ZC3H3: variants seen among roughly 807,000 people sequenced by gnomAD.
ZC3H3 encodes zinc finger CCCH domain-containing protein 3.
Under a neutral mutation model 77.3 loss-of-function variants are expected in ZC3H3, and 36 were observed. The observed-to-expected ratio is 0.47, with a 90% CI of 0.36 to 0.61. The LOEUF is 0.61. Among genes scored for constraint, ZC3H3 ranks in the 20% least tolerant of loss-of-function variants. ZC3H3 has a pLI of 0.00. For missense variants in ZC3H3, 1,331 were observed against 1,312.2 expected, an observed-to-expected ratio of 1.01 and a Z score of -0.22; for synonymous variants, 626 against 555.2, an observed-to-expected ratio of 1.13 and a Z score of -1.79.
intron 3 of ZC3H3, among the ~76,000 whole-genome samples, chr8:143,520,789 G>C (rs1166078122): frequency 2.6e-5 from 4 of 152,156 alleles, no homozygotes; most frequent in Admixed American, 2.6e-4. Flanking sequence ...TCTGCCCCAT[G>C]GGACAGAACA....
rs1207830426 is a variant in ZC3H3 at position 143,536,383 on chromosome 8, T to TCCG, written c.1432_1434dup (p.Arg479dup). 2 of 1,585,450 alleles carry TCCG rather than the reference T, an allele frequency of 1.3e-6. No individual in the cohort carries two copies. The highest frequency in any genetic ancestry group is 8.6e-7 in the Non-Finnish European group (1 of 1,164,998). On this transcript the variant is annotated inframe_insertion, in exon 3 of 12. Coordinates refer to ENST00000262577, the MANE Select transcript of ZC3H3 (RefSeq NM_015117.3). ...CTGCTCTTCCCCCTGAGGGCCTGTC[T>TCCG]CCGCCGGAGGCTGAGGTGGCTCTTG... is the stretch of plus-strand genomic sequence containing the variant.
intron 1 of ZC3H3, among the ~76,000 whole-genome samples, chr8:143,540,495 G>A (rs1317348703): frequency 6.6e-6 from 1 of 152,210 alleles, no homozygotes; most frequent in Non-Finnish European, 1.5e-5. Context: ...CTCCCAAAGT[G>A]CTGGGATTAC....
intron 4 of ZC3H3, among the ~76,000 whole-genome samples, chr8:143,484,129 G>A (rs888781388): frequency 2.0e-5 from 3 of 152,212 alleles, no homozygotes; most frequent in Admixed American, 6.5e-5. Context: ...CCTTGAGTGC[G>A]ACTGGTCCAG....
intron 4 of ZC3H3, among the ~76,000 whole-genome samples, chr8:143,501,906 C>T (rs534674336): frequency 9.8e-5 from 15 of 152,366 alleles, no homozygotes; most frequent in Non-Finnish European, 1.5e-4. Context: ...TTGTGTCCCT[C>T]GAAACCCGAT....
chr8:143,452,422 C>T (rs28668626), intron 9 of ZC3H3, among the ~76,000 whole-genome samples: 55,494 of 152,042 alleles, frequency 0.36, 10,477 homozygotes, highest in Middle Eastern at 0.43. Context: ...CCCCTCCACC[C>T]AACAGCCAGC....
At chr8:143,488,482 C>T (rs1477706739) in intron 4 of ZC3H3, among the ~76,000 whole-genome samples, 1 of 149,698 alleles carries the variant, frequency 6.7e-6, no homozygotes, top group Non-Finnish European at 1.5e-5. Flanking sequence ...AGCTCAGACA[C>T]AGAACAGCAC....
chr8:143,492,312 T>TG (rs1419134556), intron 4 of ZC3H3, among the ~76,000 whole-genome samples: 3 of 151,716 alleles, frequency 2.0e-5, no homozygotes, highest in East Asian at 2.0e-4. Flanking sequence ...ACTGGCCCAG[T>TG]GGGGGGGATC....
chr8:143,516,784 C>A (rs896939), intron 3 of ZC3H3, among the ~76,000 whole-genome samples: 2 of 152,184 alleles, frequency 1.3e-5, no homozygotes, highest in Non-Finnish European at 2.9e-5. Context: ...CCTGGCCTCG[C>A]GTCCCTGGGA....
At position 143,462,128 on chromosome 8, in the gene ZC3H3, C is replaced by T. The variant is rs780247283; in HGVS notation, c.2307+3589G>A. On this transcript the variant is annotated intron_variant, in intron 9 of 11. Transcript: ENST00000262577. This position sits in a 1 kb window ranked among gnomAD's most constrained non-coding sequence, Gnocchi z 4.7. ...AAACGGCAGCCGACTTGTAGGGAGGCCTCCCTGTGCCAGGGCCACCCAGGA... is the reference window on the plus strand; with the variant it reads ...AAACGGCAGCCGACTTGTAGGGAGGTCTCCCTGTGCCAGGGCCACCCAGGA... 3.3e-5 allele frequency among the ~76,000 whole-genome samples: 5 copies of T among 152,176 alleles called. No individual in the cohort carries two copies. Among genetic ancestry groups the T allele is most frequent in the Non-Finnish European group, 5.9e-5 (4 of 68,020 alleles).
intron 4 of ZC3H3, among the ~76,000 whole-genome samples, chr8:143,492,007 G>A (rs184407210): frequency 1.2e-4 from 19 of 152,318 alleles, no homozygotes; most frequent in African/African-American, 4.3e-4. Flanking sequence ...AGCGTGGCTC[G>A]TATCCCTGGG....
intron 9 of ZC3H3, among the ~76,000 whole-genome samples, chr8:143,442,518 G>A (rs1375716202): frequency 2.0e-5 from 3 of 151,956 alleles, no homozygotes; most frequent in African/African-American, 4.8e-5. Flanking sequence ...GTACTGGGAC[G>A]GGCGTGGGGG....
rs1820280638 is a variant in ZC3H3, at chr8:143,462,081, CAACACGCAAAT to C, written c.2307+3625_2307+3635del. 6.6e-6 allele frequency among the ~76,000 whole-genome samples: 1 copy of C among 151,988 alleles called. No individual in the cohort carries two copies. The highest frequency in any genetic ancestry group is 1.5e-5 in the Non-Finnish European group (1 of 68,006). ...AAACTAAGTGAGGCCCCACCTCACA[CAACACGCAAAT>C]GAAGAACAGCAAACGGCAGCCGACT... On this transcript the variant is annotated intron_variant, in intron 9 of 11. Coordinates refer to ENST00000262577, the MANE Select transcript of ZC3H3 (RefSeq NM_015117.3). The surrounding 1 kb of genome is among the most constrained non-coding windows in gnomAD (Gnocchi z 4.7).
In ZC3H3 at chr8:143,533,979, C is replaced by T. The variant is rs1016532115; in HGVS notation, c.1561+2278G>A. 6.6e-6 allele frequency among the ~76,000 whole-genome samples: 1 copy of T among 151,878 alleles called. No individual in the cohort carries two copies. The highest frequency in any genetic ancestry group is 2.4e-5 in the African/African-American group (1 of 41,408). On this transcript the variant is annotated intron_variant, in intron 3 of 11. Transcript: ENST00000262577. The surrounding 1 kb of genome is among the most constrained non-coding windows in gnomAD (Gnocchi z 4.0). Reference sequence around the variant, plus strand: ...GCATGAGCCACCACGCCCAGCCTCACGTTGGTCTTTAACTATGAGTTTGGC... The same window carrying T: ...GCATGAGCCACCACGCCCAGCCTCATGTTGGTCTTTAACTATGAGTTTGGC...
chr8:143,465,521 C>T (rs1002754172), intron 9 of ZC3H3, among the ~76,000 whole-genome samples, 196 bp downstream of exon 9: 3 of 152,206 alleles, frequency 2.0e-5, no homozygotes, highest in South Asian at 2.1e-4. Flanking sequence ...GTTCAAACCC[C>T]GCCCTGTGTT....
chr8:143,477,312 C>T (rs1044628777), intron 4 of ZC3H3, among the ~76,000 whole-genome samples: 13 of 152,296 alleles, frequency 8.5e-5, no homozygotes, highest in East Asian at 1.9e-4. Context: ...CCAATCTTGG[C>T]GGGAAAGAGC....
rs759628248 is a variant in ZC3H3 at position 143,538,651 on chromosome 8, G to A, written c.716C>T (p.Thr239Ile). 11 of 1,608,556 alleles carry A rather than the reference G, an allele frequency of 6.8e-6. No homozygotes were observed. In the Admixed American group the frequency reaches 1.0e-4, roughly 15 times the overall value. ...CAGCTTCCGGCCCAGGGCCACGCCA[G>A]TGCGTGGGGGCAGAGCGGAGGATGG... ...SFPSSALPPRTGVALGRKLGS... is the reference protein window; with the variant it reads ...SFPSSALPPRIGVALGRKLGS... The change falls in exon 2 of 12, where the codon ACT (threonine) becomes ATT (isoleucine). Residue 239 changes from threonine (T) to isoleucine (I), a missense_variant. Physicochemically the swap from Thr to Ile is moderately conservative, Grantham distance 89. Around this residue, in one of 3 missense-constraint regions of ZC3H3, gnomAD observed 978 missense variants for 915.5 expected, o/e 1.07. Coordinates refer to ENST00000262577, the MANE Select transcript of ZC3H3 (RefSeq NM_015117.3).
intron 5 of ZC3H3, among the ~76,000 whole-genome samples, chr8:143,469,075 TTCC>T (rs1398930066): frequency 1.3e-5 from 2 of 152,218 alleles, no homozygotes; most frequent in African/African-American, 4.8e-5. Context: ...CCCTGCTGGC[TTCC>T]TCATGTCCCT....
intron 3 of ZC3H3, among the ~76,000 whole-genome samples, chr8:143,527,092 G>A (rs1763944332): frequency 6.6e-6 from 1 of 152,212 alleles, no homozygotes; most frequent in Non-Finnish European, 1.5e-5. Context: ...CCGAGCACTT[G>A]GCAACGTGCC....
intron 4 of ZC3H3, chr8:143,484,599 C>CG (rs1167319912): frequency 6.2e-6 from 1 of 161,086 alleles, no homozygotes; most frequent in African/African-American, 2.4e-5. Flanking sequence ...TTCATGGCCC[C>CG]GGAGTGCCGA....
Sources: gnomAD v4.1 joint callset for allele counts (sites outside exome capture counted in the v4.1 genomes callset) on GRCh38, gnomAD v4.1.1 for gene constraint, gnomAD v4.1.1 regional missense constraint, Gnocchi (gnomAD v3.1) non-coding constraint, MANE v1.5 for transcripts, NCBI Gene and HGNC (gene_info 2026-07-23, HGNC 2026-07-21) for gene names.